WIF1: variants seen among roughly 807,000 people sequenced by gnomAD.
The protein encoded by WIF1 is Wnt inhibitory factor 1.
In WIF1, 35 loss-of-function variants were observed where a neutral mutation model predicts 53.5. That is an observed-to-expected ratio of 0.65 (90% CI 0.50 to 0.87). WIF1 has a LOEUF of 0.87. Among genes scored for constraint, WIF1 ranks in the 40% least tolerant of loss-of-function variants. WIF1 has a pLI of 0.00. For synonymous variants in WIF1, 171 were observed against 170.4 expected (o/e 1.00, Z -0.03); for missense variants, 467 against 476.8 (o/e 0.98, Z 0.19).
At chr12:65,053,540 A>G (rs1882475374) in intron 9 of WIF1, among the ~76,000 whole-genome samples, 1 of 152,148 alleles carries the variant, frequency 6.6e-6, no homozygotes, top group Non-Finnish European at 1.5e-5. Context: ...CCTTATGAAG[A>G]AGGTACCTGC....
chr12:65,107,727 C>A (rs1293649933), intron 2 of WIF1, among the ~76,000 whole-genome samples: 2 of 152,134 alleles, frequency 1.3e-5, no homozygotes, highest in Non-Finnish European at 2.9e-5. Context: ...CTGAAATAGC[C>A]CTTGGAAACA....
At chr12:65,078,263 GA>G (rs1422117477) in intron 2 of WIF1, among the ~76,000 whole-genome samples, 2 of 152,100 alleles carry the variant, frequency 1.3e-5, no homozygotes, top group East Asian at 3.8e-4. Context: ...ATTTTTAGTA[GA>G]GACAGGGTTT....
At chr12:65,105,504 T>G (rs1424761583) in intron 2 of WIF1, among the ~76,000 whole-genome samples, 1 of 152,230 alleles carries the variant, frequency 6.6e-6, no homozygotes, top group Non-Finnish European at 1.5e-5. Flanking sequence ...CACTAGCATC[T>G]GCTTGGCTTC....
intron 2 of WIF1, among the ~76,000 whole-genome samples, chr12:65,088,247 G>A (rs894820447): frequency 6.6e-6 from 1 of 152,042 alleles, no homozygotes; most frequent in African/African-American, 2.4e-5. Flanking sequence ...TTTCCCCCAG[G>A]TATGCTGTCC....
In WIF1 at chr12:65,121,039, C is replaced by T. The variant is rs1488126713; in HGVS notation, c.148+5G>A. 1.4e-6 allele frequency: 2 copies of T among 1,470,004 alleles called. No individual in the cohort carries two copies. Among genetic ancestry groups the T allele is most frequent in the South Asian group, 1.4e-5 (1 of 73,488 alleles). 91.1% of individuals were successfully genotyped at this position (1,470,004 alleles called of 1,614,324 possible). ...AGGGGAAGGCGCTGGAGGCGGGGGC[C>T]TTACCTATGAGTACTCTTGCCTGGT... On this transcript the variant is annotated splice_donor_5th_base_variant and intron_variant, in intron 1 of 9. Coordinates refer to ENST00000286574, the MANE Select transcript of WIF1 (RefSeq NM_007191.5).
chr12:65,071,877 G>T (rs1882778895), intron 3 of WIF1, among the ~76,000 whole-genome samples: 1 of 152,100 alleles, frequency 6.6e-6, no homozygotes, highest in African/African-American at 2.4e-5. Context: ...GACATCTTGA[G>T]CCAGATCAAC....
At chr12:65,057,175 T>A (rs1882541382) in intron 7 of WIF1, among the ~76,000 whole-genome samples, 1 of 152,062 alleles carries the variant, frequency 6.6e-6, no homozygotes, top group Non-Finnish European at 1.5e-5. Flanking sequence ...ATGGGGCTGC[T>A]AAGTCGAGGT....
chr12:65,067,747 T>G lies in WIF1; in HGVS notation c.582A>C (p.Glu194Asp). The G allele has an allele frequency of 6.2e-7, 1 of 1,613,362 alleles. No homozygotes were observed. The highest frequency in any genetic ancestry group is 8.5e-7 in the Non-Finnish European group (1 of 1,179,480). The change falls in exon 5 of 10, where the codon GAA becomes GAC. Residue 194 changes from glutamate (E) to aspartate (D), a missense_variant. By Grantham distance (45) the Glu-to-Asp change is conservative (BLOSUM62 2). Transcript: ENST00000286574. Reference sequence around the variant, plus strand: ...CATCAGGACACTCGCAGATGCGTCTTTCATTACAAAAGCCTCCATTTCGGC... The same window carrying G: ...CATCAGGACACTCGCAGATGCGTCTGTCATTACAAAAGCCTCCATTTCGGC... ...GGCRNGGFCN[E>D]RRICECPDGF...
At chr12:65,093,310 G>A (rs1484237388) in intron 2 of WIF1, among the ~76,000 whole-genome samples, 1 of 152,134 alleles carries the variant, frequency 6.6e-6, no homozygotes, top group Non-Finnish European at 1.5e-5. Context: ...ATGTAAGGAT[G>A]TTAAGAGTAA....
rs574325992 is a variant in WIF1 at position 65,097,772 on chromosome 12, C to A, written c.289-19918G>T. On this transcript the variant is annotated intron_variant, in intron 2 of 9. Coordinates refer to ENST00000286574, the MANE Select transcript of WIF1 (RefSeq NM_007191.5). ...CTTTCCACAGAACTCTTTCTGTTGC[C>A]ATTTTTATAATTACCTTAGCATTGT... Among the ~76,000 whole-genome samples the A allele has an allele frequency of 2.0e-3, 310 of 152,250 alleles. 1 individual carries two copies. The highest frequency in any genetic ancestry group is 3.1e-3 in the Non-Finnish European group (209 of 68,010).
Position 65,051,298 on chromosome 12 carries a change from T to A in WIF1, c.*51A>T. The A allele has an allele frequency of 6.3e-7, 1 of 1,577,384 alleles. No homozygotes were observed. Among genetic ancestry groups the A allele is most frequent in the Non-Finnish European group, 8.6e-7 (1 of 1,161,310 alleles). ...TTTGAACATTCAACACATGAAAGGT[T>A]AACAAAGGCTATGAACTTGGTGTAA... On this transcript the variant is annotated 3_prime_UTR_variant, in exon 10 of 10. Coordinates refer to ENST00000286574, the MANE Select transcript of WIF1 (RefSeq NM_007191.5).
intron 3 of WIF1, among the ~76,000 whole-genome samples, chr12:65,075,162 C>T (rs1882842883): frequency 6.6e-6 from 1 of 152,186 alleles, no homozygotes; most frequent in South Asian, 2.1e-4. Context: ...TGAACTTATA[C>T]TTCTCCTGTC....
intron 3 of WIF1, among the ~76,000 whole-genome samples, chr12:65,073,491 C>G (rs1190537311): frequency 1.3e-5 from 2 of 152,150 alleles, no homozygotes; most frequent in African/African-American, 2.4e-5. Context: ...TTTATTGAAC[C>G]ACCCTGCAGT....
chr12:65,113,547 C>T (rs1303242892), intron 2 of WIF1, among the ~76,000 whole-genome samples: 1 of 151,888 alleles, frequency 6.6e-6, no homozygotes, highest in African/African-American at 2.4e-5. Context: ...TGCCATAGAA[C>T]CAGATGTGGC....
rs576497112 is a variant in WIF1 at position 65,065,052 on chromosome 12, G to A, written c.730+1589C>T. On this transcript the variant is annotated intron_variant, in intron 6 of 9. Coordinates refer to ENST00000286574, the MANE Select transcript of WIF1 (RefSeq NM_007191.5). ...TTCACAATAATGAATTTTACTCACAGGCTGTTAATTCTTATTAGAGTAATT... is the reference window on the plus strand; with the variant it reads ...TTCACAATAATGAATTTTACTCACAAGCTGTTAATTCTTATTAGAGTAATT... Among the ~76,000 whole-genome samples, 22 of 152,218 alleles carry A rather than the reference G, an allele frequency of 1.4e-4. No individual in the cohort carries two copies. The South Asian group carries it at 4.6e-3, about 32-fold the overall frequency.
chr12:65,115,541 C>T (rs1883496200), intron 2 of WIF1, among the ~76,000 whole-genome samples: 1 of 152,062 alleles, frequency 6.6e-6, no homozygotes, highest in Non-Finnish European at 1.5e-5. Context: ...TGCTCATGGC[C>T]CCTGCCTGTC....
At chr12:65,118,998 C>T (rs576158166) in intron 2 of WIF1, among the ~76,000 whole-genome samples, 13 of 152,126 alleles carry the variant, frequency 8.5e-5, no homozygotes, top group South Asian at 4.2e-4. Context: ...TTGATTCTTA[C>T]GAACCCATAA....
intron 2 of WIF1, among the ~76,000 whole-genome samples, chr12:65,093,091 T>C (rs1269320052): frequency 6.6e-6 from 1 of 152,166 alleles, no homozygotes; most frequent in African/African-American, 2.4e-5. Context: ...ATTACTGGCA[T>C]GAGAATAATC....
intron 3 of WIF1, among the ~76,000 whole-genome samples, chr12:65,074,165 A>ATTT (rs58914507): frequency 0.031 from 4,661 of 152,042 alleles, 236 homozygotes; most frequent in African/African-American, 0.11. Context: ...TTTCAGTAAG[A>ATTT]TTTTTATTTT....
Sources: gnomAD v4.1 joint callset for allele counts (sites outside exome capture counted in the v4.1 genomes callset) on GRCh38, gnomAD v4.1.1 for gene constraint, MANE v1.5 for transcripts, NCBI Gene and HGNC (gene_info 2026-07-23, HGNC 2026-07-21) for gene names.